Variants in ZNF503 observed in about 807,000 individuals in gnomAD.
ZNF503 encodes NocA-like zinc finger 2.
In ZNF503, 15 loss-of-function variants were observed where a neutral mutation model predicts 34.4. That is an observed-to-expected ratio of 0.44 (90% CI 0.29 to 0.67). ZNF503 has a LOEUF of 0.67. Among genes scored for constraint, ZNF503 ranks in the 30% least tolerant of loss-of-function variants. The pLI is 0.13. For missense variants in ZNF503, 1,007 were observed against 926.8 expected, an observed-to-expected ratio of 1.09 and a Z score of -1.12; for synonymous variants, 580 against 456.8, an observed-to-expected ratio of 1.27 and a Z score of -3.44.
the ZNF503 span, among the ~76,000 whole-genome samples, chr10:75,360,405 C>T: frequency 3.9e-5 from 6 of 152,104 alleles, no homozygotes; most frequent in South Asian, 4.2e-4. Context: ...GGATTACAGG[C>T]GTGAGCCACC....
At chr10:75,284,751 A>T in the ZNF503 span, among the ~76,000 whole-genome samples, 2 of 152,334 alleles carry the variant, frequency 1.3e-5, no homozygotes, top group African/African-American at 4.8e-5. Context: ...GGTGTGGTTA[A>T]CTAAGGGGAG....
At chr10:75,349,972 G>A in the ZNF503 span, among the ~76,000 whole-genome samples, 3 of 152,182 alleles carry the variant, frequency 2.0e-5, no homozygotes, top group African/African-American at 7.2e-5. Flanking sequence ...TGGGCCCTGA[G>A]GATCTAGTGA....
rs765914444 is a variant in ZNF503, at chr10:75,401,012, C to A, written c.315+93G>T. ...CATTCGGGAGCTGAATCACTCCGAC[C>A]CCCCCACCTCCGCCCAGATCCCGAG... On this transcript the variant is annotated intron_variant, in intron 1 of 1. Coordinates refer to ENST00000372524, the MANE Select transcript of ZNF503 (RefSeq NM_032772.6). 17 of 1,553,462 alleles carry A rather than the reference C, an allele frequency of 1.1e-5. No individual in the cohort carries two copies. In the African/African-American group the frequency reaches 1.4e-4, roughly 12 times the overall value.
chr10:75,399,498 C>T lies in ZNF503; in HGVS notation c.1192G>A (p.Ala398Thr), dbSNP rs1332128483. 6.4e-7 allele frequency: 1 copy of T among 1,568,528 alleles called. No homozygotes were observed. Among genetic ancestry groups the T allele is most frequent in the Non-Finnish European group, 8.6e-7 (1 of 1,164,198 alleles). The stretch of plus-strand genomic sequence containing the variant: ...TTACTGCAGCCCAGAGACCCGGCCG[C>T]GGCCGCCGCCAGCTGCGCCCCCACC... ...SLVGAQLAAA[A>T]AGSLGCSKPA... The change falls in exon 2 of 2, where the codon GCG becomes ACG. Residue 398 changes from alanine to threonine, a missense_variant. Coordinates refer to ENST00000372524, the MANE Select transcript of ZNF503 (RefSeq NM_032772.6).
At chr10:75,297,471 A>G in the ZNF503 span, among the ~76,000 whole-genome samples, 96 of 152,276 alleles carry the variant, frequency 6.3e-4, no homozygotes, top group East Asian at 0.018. Context: ...CTGGAGGTGT[A>G]TTTGTGGATT....
chr10:75,384,347 C>A, the ZNF503 span, among the ~76,000 whole-genome samples: 4 of 152,200 alleles, frequency 2.6e-5, no homozygotes, highest in South Asian at 8.3e-4. Context: ...TGATCACATA[C>A]AAATTCACAA....
At chr10:75,373,208 A>G in the ZNF503 span, among the ~76,000 whole-genome samples, 5 of 152,334 alleles carry the variant, frequency 3.3e-5, 1 homozygote, top group Middle Eastern at 6.8e-3. Flanking sequence ...GCTTTGCCCA[A>G]AGTTATGGCT....
chr10:75,323,052 T>G, the ZNF503 span, among the ~76,000 whole-genome samples: 2 of 152,224 alleles, frequency 1.3e-5, no homozygotes, highest in Middle Eastern at 3.2e-3. Context: ...CAAAATTCCC[T>G]TGTTCCGTGT....
At chr10:75,325,385 G>A in the ZNF503 span, among the ~76,000 whole-genome samples, 1 of 150,574 alleles carries the variant, frequency 6.6e-6, no homozygotes, top group South Asian at 2.1e-4. Flanking sequence ...GAGTGTAGTA[G>A]CACAATCAGC....
chr10:75,355,288 C>A, the ZNF503 span, among the ~76,000 whole-genome samples: 2 of 152,140 alleles, frequency 1.3e-5, no homozygotes, highest in Admixed American at 6.5e-5. Flanking sequence ...ACCTACAGCA[C>A]CTTTTTTTCT....
At chr10:75,359,451 A>G in the ZNF503 span, among the ~76,000 whole-genome samples, 1 of 152,346 alleles carries the variant, frequency 6.6e-6, no homozygotes, top group African/African-American at 2.4e-5. Flanking sequence ...GAGGCCCACA[A>G]ATAACGCAGA....
intron 1 of ZNF503, among the ~76,000 whole-genome samples, chr10:75,400,832 G>A (rs1311871553): frequency 6.6e-6 from 1 of 152,242 alleles, no homozygotes; most frequent in Non-Finnish European, 1.5e-5. Flanking sequence ...CCTGCCTTCG[G>A]TGCCGAGTGA....
chr10:75,342,057 G>T, the ZNF503 span, among the ~76,000 whole-genome samples: 7 of 152,038 alleles, frequency 4.6e-5, no homozygotes, highest in African/African-American at 1.7e-4. Context: ...GCTTCTTACT[G>T]CAGATATACT....
chr10:75,312,537 G>A, the ZNF503 span, among the ~76,000 whole-genome samples: 1 of 152,110 alleles, frequency 6.6e-6, no homozygotes, highest in Admixed American at 6.5e-5. Context: ...AAGGAAAGGA[G>A]AAAGAGAGTG....
the ZNF503 span, among the ~76,000 whole-genome samples, chr10:75,336,605 A>T: frequency 2.8e-4 from 42 of 152,272 alleles, no homozygotes; most frequent in African/African-American, 9.6e-4. Context: ...CCGGTTTATT[A>T]TGTCTCAGCT....
the ZNF503 span, among the ~76,000 whole-genome samples, chr10:75,374,187 C>G: frequency 6.6e-6 from 1 of 152,132 alleles, no homozygotes; most frequent in Non-Finnish European, 1.5e-5. Flanking sequence ...TGGTGCACAA[C>G]TGTGGATGCA....
the ZNF503 span, among the ~76,000 whole-genome samples, chr10:75,363,198 C>G: frequency 6.6e-6 from 1 of 152,222 alleles, no homozygotes; most frequent in South Asian, 2.1e-4. Flanking sequence ...CACCTTTACC[C>G]CACAGCTAGG....
the ZNF503 span, among the ~76,000 whole-genome samples, chr10:75,374,335 AAAGT>A: frequency 6.6e-6 from 1 of 152,094 alleles, no homozygotes; most frequent in Admixed American, 6.6e-5. Context: ...AACAAAAAAC[AAAGT>A]AAGTCACGTC....
chr10:75,300,704 C>CTTTTT, the ZNF503 span, among the ~76,000 whole-genome samples: 586 of 108,688 alleles, frequency 5.4e-3, 19 homozygotes, highest in Non-Finnish European at 6.4e-3. Flanking sequence ...TTCTTTCTTT[C>CTTTTT]TTTTTTTTTT....
Sources: allele counts gnomAD v4.1 joint callset (sites outside exome capture counted in the v4.1 genomes callset), GRCh38; gene constraint gnomAD v4.1.1; transcripts MANE v1.5; gene names NCBI Gene and HGNC (gene_info 2026-07-23, HGNC 2026-07-21).